Variants in PRMT9 observed in about 807,000 individuals in gnomAD.
The protein encoded by PRMT9 is protein arginine methyltransferase 9.
PRMT9 carries 59 observed loss-of-function variants against 83.2 expected under a neutral mutation model. The observed-to-expected ratio is 0.71, with a 90% CI of 0.57 to 0.88. The LOEUF (loss-of-function observed/expected upper bound fraction) is 0.88, where lower values mean the gene tolerates loss of function less well. Among genes scored for constraint, PRMT9 ranks in the 40% least tolerant of loss-of-function variants. PRMT9 has a pLI of 0.00. For missense variants in PRMT9, 947 were observed against 1,021.9 expected (o/e 0.93, Z 1.00); for synonymous variants, 333 against 353.2 (o/e 0.94, Z 0.64).
intron 2 of PRMT9, among the ~76,000 whole-genome samples, chr4:147,674,533 GCT>G (rs1735943162): frequency 6.6e-6 from 1 of 151,978 alleles, no homozygotes; most frequent in Non-Finnish European, 1.5e-5. Flanking sequence ...CTAGAACAGT[GCT>G]TCTCAAACTA....
chr4:147,644,136 G>A (rs1029530913), intron 9 of PRMT9, among the ~76,000 whole-genome samples: 5 of 152,096 alleles, frequency 3.3e-5, no homozygotes, highest in Admixed American at 2.6e-4. Flanking sequence ...GATTATATCA[G>A]TGAATGTCCT....
rs118043198 is a variant in PRMT9 at position 147,671,961 on chromosome 4, C to T, written c.743+998G>A. 4.9e-5 allele frequency: 22 copies of T among 450,432 alleles called. No homozygotes were observed. The East Asian group carries it at 1.5e-3, about 31-fold the overall frequency. 27.9% of individuals were successfully genotyped at this position (450,432 alleles called of 1,614,324 possible). On this transcript the variant is annotated intron_variant, in intron 4 of 11. Transcript: ENST00000322396. Reference sequence around the variant, plus strand: ...CTGCAATCCAGGAAGAGAATCCTCACAAGAAACCAAACTTGCCAACACCTT... The same window carrying T: ...CTGCAATCCAGGAAGAGAATCCTCATAAGAAACCAAACTTGCCAACACCTT...
chr4:147,654,238 C>G lies in PRMT9; in HGVS notation c.1659G>C (p.Leu553=). 2.5e-6 allele frequency: 4 copies of G among 1,614,170 alleles called. No individual in the cohort carries two copies. The highest frequency in any genetic ancestry group is 1.7e-5 in the Admixed American group (1 of 60,030). ...KVLSSLTPEK[L]YQTMDTHCQN... is the part of the protein sequence containing the mutation. ...GACAGTGAGTATCCATGGTCTGATA[C>G]AGTTTCTCTGGAGTCAGTGAAGACA... is the stretch of plus-strand genomic sequence containing the variant. Residue 553 remains leucine, a synonymous_variant, in exon 9 of 12, where the codon CTG becomes CTC. Transcript: ENST00000322396.
intron 7 of PRMT9, among the ~76,000 whole-genome samples, chr4:147,660,457 G>A (rs937713691): frequency 6.6e-6 from 1 of 151,998 alleles, no homozygotes; most frequent in South Asian, 2.1e-4. Context: ...TGGCAAAACC[G>A]CATCTCTACT....
intron 2 of PRMT9, 28 bp from the exon 3 acceptor site, chr4:147,673,902 A>G: frequency 6.4e-7 from 1 of 1,559,234 alleles, no homozygotes; most frequent in South Asian, 1.1e-5. Context: ...AAAAGACAAA[A>G]TATATTCAAC....
chr4:147,667,903 A>T (rs1735448362), intron 6 of PRMT9, among the ~76,000 whole-genome samples: 1 of 152,126 alleles, frequency 6.6e-6, no homozygotes, highest in African/African-American at 2.4e-5. Flanking sequence ...CTACATGAAT[A>T]TATCACAACT....
At chr4:147,653,453 AAT>A (rs1553991781) in intron 9 of PRMT9, among the ~76,000 whole-genome samples, 66 of 148,614 alleles carry the variant, frequency 4.4e-4, no homozygotes, top group African/African-American at 8.9e-4. Flanking sequence ...AAAAAAAAAA[AAT>A]ATATATATAT....
intron 1 of PRMT9, 76 bp downstream of exon 1, chr4:147,683,720 CTTT>C: frequency 6.7e-6 from 7 of 1,049,848 alleles, no homozygotes; most frequent in East Asian, 3.0e-5. Flanking sequence ...AGCCCCTCCG[CTTT>C]TTTTTTTTTC....
At chr4:147,678,812 T>C (rs1253425247) in intron 2 of PRMT9, among the ~76,000 whole-genome samples, 1 of 152,232 alleles carries the variant, frequency 6.6e-6, no homozygotes, top group East Asian at 1.9e-4. Flanking sequence ...GGGAATGAAG[T>C]GCATCCTGCG....
intron 2 of PRMT9, among the ~76,000 whole-genome samples, chr4:147,674,704 G>A (rs569311390): frequency 2.6e-5 from 4 of 152,286 alleles, no homozygotes; most frequent in Admixed American, 6.5e-5. Flanking sequence ...TGGAGCTCAC[G>A]TAATATCAGA....
rs201458372 is a variant in PRMT9, at chr4:147,653,442, T to TAA, written c.2045+408_2045+409dup. 1.2e-3 allele frequency among the ~76,000 whole-genome samples: 172 copies of TAA among 144,392 alleles called. 2 individuals carry two copies. The highest frequency in any genetic ancestry group is 1.5e-3 in the South Asian group (7 of 4,544). 94.7% of individuals were successfully genotyped at this position (144,392 alleles called of 152,430 possible). A position where few individuals can be genotyped will look rare whatever the true frequency, so the allele number is the denominator to read the frequency against. ...GGGCAGCAAGAGCGAAACTCCGTCT[T>TAA]AAAAAAAAAAAATATATATATATAT... On this transcript the variant is annotated intron_variant, in intron 9 of 11. Coordinates refer to ENST00000322396, the MANE Select transcript of PRMT9 (RefSeq NM_138364.4).
At chr4:147,653,267 G>T (rs1734238187) in intron 9 of PRMT9, among the ~76,000 whole-genome samples, 1 of 151,976 alleles carries the variant, frequency 6.6e-6, no homozygotes, top group Non-Finnish European at 1.5e-5. Context: ...TGACCAACAT[G>T]GTGAAACCCC....
chr4:147,668,501 T>C, intron 6 of PRMT9, 38 bp downstream of exon 6: 1 of 1,182,432 alleles, frequency 8.5e-7, no homozygotes, highest in Non-Finnish European at 1.3e-6. Flanking sequence ...TCTTGGGAGG[T>C]GCTTTATAGC....
At chr4:147,647,019 TC>T (rs1733776409) in intron 9 of PRMT9, among the ~76,000 whole-genome samples, 1 of 152,088 alleles carries the variant, frequency 6.6e-6, no homozygotes, top group Non-Finnish European at 1.5e-5. Flanking sequence ...ATGGTAATAG[TC>T]CCTTCCTGAA....
intron 5 of PRMT9, among the ~76,000 whole-genome samples, chr4:147,668,945 G>A (rs1026117043): frequency 5.9e-5 from 9 of 152,054 alleles, no homozygotes; most frequent in Non-Finnish European, 1.3e-4. Context: ...AATTAGCTGG[G>A]CGTGGTGGCA....
intron 8 of PRMT9, among the ~76,000 whole-genome samples, chr4:147,656,140 T>C (rs572837493): frequency 3.3e-5 from 5 of 152,260 alleles, no homozygotes; most frequent in African/African-American, 1.2e-4. Context: ...AAGAACTGAA[T>C]CCAAATCTAC....
rs762965104 is a variant in PRMT9 at position 147,639,075 on chromosome 4, A to G, written c.2207T>C (p.Ile736Thr). ...APFINQFQVPIRVFLDLSSLP... is the reference protein window; with the variant it reads ...APFINQFQVPTRVFLDLSSLP... ...TGAGGATAGGTCCAAAAATACACGT[A>G]TAGGTACCTAGAGAAAGTATAAATT... is the stretch of plus-strand genomic sequence containing the variant. The change falls in exon 11 of 12, where the codon ATA becomes ACA. Residue 736 changes from isoleucine to threonine, a missense_variant. Transcript: ENST00000322396. 1.2e-6 allele frequency: 2 copies of G among 1,613,372 alleles called. No individual in the cohort carries two copies. The highest frequency in any genetic ancestry group is 2.7e-5 in the African/African-American group (2 of 75,044).
In PRMT9 at chr4:147,657,780, G is replaced by A; in HGVS notation, c.1330+12C>T. The A allele has an allele frequency of 6.2e-7, 1 of 1,607,956 alleles. No homozygotes were observed. The highest frequency in any genetic ancestry group is 1.7e-4 in the Middle Eastern group (1 of 6,052). ...AAGCAAGAGGTTAAAAAAAAAAATG[G>A]ACAAGACCTACCTGCAAGGTCCTGT... On this transcript the variant is annotated intron_variant, in intron 8 of 11. Transcript: ENST00000322396.
intron 9 of PRMT9, among the ~76,000 whole-genome samples, chr4:147,644,620 T>C (rs1182550501): frequency 6.8e-6 from 1 of 148,034 alleles, no homozygotes; most frequent in Non-Finnish European, 1.5e-5. Flanking sequence ...AAAGGATAAA[T>C]GCCTGACGGG....
Sources: allele counts gnomAD v4.1 joint callset (sites outside exome capture counted in the v4.1 genomes callset), GRCh38; gene constraint gnomAD v4.1.1; transcripts MANE v1.5; gene names NCBI Gene and HGNC (gene_info 2026-07-23, HGNC 2026-07-21).